Variants in CTNNA3 observed in about 807,000 individuals in gnomAD.
The protein encoded by CTNNA3 is catenin alpha-3.
In CTNNA3, 76 loss-of-function variants were observed where a neutral mutation model predicts 95.7. The ratio of observed to expected loss-of-function variants is 0.79; its 90% CI spans 0.66 to 0.96. The LOEUF is 0.96. Ranked by LOEUF, CTNNA3 falls within the 40% of genes least tolerant of loss-of-function variation. CTNNA3 has a pLI of 0.00. For missense variants in CTNNA3, 1,191 were observed against 1,089.8 expected (o/e 1.09, Z -1.31); for synonymous variants, 431 against 374.4 (o/e 1.15, Z -1.74).
chr10:66,350,398 A>G (rs2092557746), intron 12 of CTNNA3, among the ~76,000 whole-genome samples: 1 of 152,120 alleles, frequency 6.6e-6, no homozygotes, highest in Admixed American at 6.5e-5. Context: ...GCATTTGTCC[A>G]CAAACAAGAA....
intron 11 of CTNNA3, among the ~76,000 whole-genome samples, chr10:66,508,990 T>A (rs1284877285): frequency 6.6e-6 from 1 of 152,130 alleles, no homozygotes; most frequent in East Asian, 1.9e-4. Context: ...TATACTAGTT[T>A]ATATTCCCAC....
intron 7 of CTNNA3, among the ~76,000 whole-genome samples, chr10:67,166,569 C>A (rs1861777498): frequency 6.6e-6 from 1 of 152,114 alleles, no homozygotes; most frequent in African/African-American, 2.4e-5. Flanking sequence ...CATCTTTCTA[C>A]CTACTAACAT....
At chr10:67,431,335 T>C (rs1846106217) in intron 5 of CTNNA3, among the ~76,000 whole-genome samples, 1 of 152,030 alleles carries the variant, frequency 6.6e-6, no homozygotes, top group South Asian at 2.1e-4. Context: ...AGACTTAACA[T>C]ATCTCAGAAT....
chr10:67,735,552 T>G (rs1344597930), intron 1 of CTNNA3, among the ~76,000 whole-genome samples: 2 of 151,966 alleles, frequency 1.3e-5, no homozygotes, highest in Non-Finnish European at 2.9e-5. Context: ...TAAAAAGAGT[T>G]CAACATCATT....
intron 15 of CTNNA3, among the ~76,000 whole-genome samples, chr10:66,023,070 C>T (rs1167541721): frequency 7.3e-6 from 1 of 137,492 alleles, no homozygotes; most frequent in Non-Finnish European, 1.6e-5. Flanking sequence ...ATTCGAACAC[C>T]TCACGGACCA....
At chr10:66,524,824 C>G (rs767247202) in intron 10 of CTNNA3, among the ~76,000 whole-genome samples, 5 of 151,912 alleles carry the variant, frequency 3.3e-5, no homozygotes, top group Admixed American at 2.0e-4. Flanking sequence ...CTAAGGCAGG[C>G]GGATCTCCTG....
intron 6 of CTNNA3, among the ~76,000 whole-genome samples, chr10:67,187,222 G>GT (rs1862894451): frequency 1.3e-5 from 2 of 152,058 alleles, no homozygotes; most frequent in African/African-American, 4.8e-5. Context: ...TGCTGCTTTT[G>GT]TTATCTTATT....
chr10:67,209,203 C>CGT (rs2132235085), intron 6 of CTNNA3, among the ~76,000 whole-genome samples: 1 of 152,168 alleles, frequency 6.6e-6, no homozygotes, highest in East Asian at 1.9e-4. Flanking sequence ...CACACGCCAC[C>CGT]GTGTCCAGCT....
At chr10:67,098,396 A>G (rs1292910143) in intron 7 of CTNNA3, 4 of 152,282 alleles carry the variant, frequency 2.6e-5, no homozygotes, top group Non-Finnish European at 5.9e-5. Context: ...TACATTAACC[A>G]AAAAGGATTT....
At chr10:67,228,293 A>T (rs1865023116) in intron 5 of CTNNA3, among the ~76,000 whole-genome samples, 1 of 152,198 alleles carries the variant, frequency 6.6e-6, no homozygotes, top group African/African-American at 2.4e-5. Context: ...AAGAAAAGAC[A>T]AGCGAAAATC....
intron 15 of CTNNA3, among the ~76,000 whole-genome samples, chr10:66,059,077 G>GA (rs2080142782): frequency 9.4e-6 from 1 of 106,576 alleles, no homozygotes; most frequent in Non-Finnish European, 2.2e-5. Context: ...TATTAACAAA[G>GA]AGGTTTTCAG....
chr10:66,410,270 C>T lies in CTNNA3; in HGVS notation c.1532-30918G>A, dbSNP rs1418724126. On this transcript the variant is annotated intron_variant, in intron 11 of 17. Coordinates refer to ENST00000433211, the MANE Select transcript of CTNNA3 (RefSeq NM_013266.4). ...AGAATAATTATCTTTCAGGTGGAGT[C>T]AAGATTGCAGACCAGCCTGCTCTTC... Among the ~76,000 whole-genome samples the T allele has an allele frequency of 2.0e-5, 3 of 152,272 alleles. No individual in the cohort carries two copies. In the East Asian group the frequency reaches 5.8e-4, roughly 29 times the overall value.
chr10:66,720,835 AAAAAGAAAAG>A (rs969018534), intron 9 of CTNNA3, among the ~76,000 whole-genome samples: 1 of 152,046 alleles, frequency 6.6e-6, no homozygotes, highest in Non-Finnish European at 1.5e-5. Flanking sequence ...CCTGTCTCAA[AAAAAGAAAAG>A]AAAAGAAAAG....
At chr10:67,605,108 T>A (rs547230482) in intron 3 of CTNNA3, among the ~76,000 whole-genome samples, 1 of 152,280 alleles carries the variant, frequency 6.6e-6, no homozygotes, top group South Asian at 2.1e-4. Flanking sequence ...TGTATCATTA[T>A]TCACAATAGT....
chr10:66,161,926 T>C (rs1345142802), intron 13 of CTNNA3, among the ~76,000 whole-genome samples: 2 of 152,256 alleles, frequency 1.3e-5, no homozygotes, highest in African/African-American at 2.4e-5. Flanking sequence ...CTTTGATGGA[T>C]TGGGTTAATT....
chr10:66,527,746 G>T (rs1445142751), intron 10 of CTNNA3, among the ~76,000 whole-genome samples: 1 of 151,802 alleles, frequency 6.6e-6, no homozygotes, highest in Admixed American at 6.6e-5. Flanking sequence ...ATTGTTCATT[G>T]TTCGTATACA....
intron 11 of CTNNA3, among the ~76,000 whole-genome samples, chr10:66,392,983 T>G (rs949683247): frequency 1.3e-5 from 2 of 152,182 alleles, no homozygotes; most frequent in Non-Finnish European, 2.9e-5. Context: ...TTGCCAAAAC[T>G]TAGGTGTAAC....
chr10:66,845,661 CCATT>C (rs1270877803), intron 7 of CTNNA3, among the ~76,000 whole-genome samples: 1 of 127,218 alleles, frequency 7.9e-6, no homozygotes, highest in Non-Finnish European at 1.6e-5. Context: ...CGAGATCGCG[CCATT>C]GCACTCCAGC....
At chr10:66,982,947 G>A (rs1207216493) in intron 7 of CTNNA3, among the ~76,000 whole-genome samples, 1 of 152,092 alleles carries the variant, frequency 6.6e-6, no homozygotes, top group Non-Finnish European at 1.5e-5. Context: ...GTCTGCAGAG[G>A]GCTTGAGCCT....
Sources: gnomAD v4.1 joint callset for allele counts (sites outside exome capture counted in the v4.1 genomes callset) on GRCh38, gnomAD v4.1.1 for gene constraint, MANE v1.5 for transcripts, NCBI Gene and HGNC (gene_info 2026-07-23, HGNC 2026-07-21) for gene names.